LAMA3: variants seen among roughly 807,000 people sequenced by gnomAD.
LAMA3 encodes the protein laminin subunit alpha-3.
LAMA3 carries 281 observed loss-of-function variants against 402.0 expected under a neutral mutation model. The observed-to-expected ratio is 0.70, with a 90% CI of 0.63 to 0.77. The LOEUF is 0.77. Ranked by LOEUF, LAMA3 falls within the 30% of genes least tolerant of loss-of-function variation. The pLI, the probability that LAMA3 is intolerant of heterozygous loss-of-function variation, is 0.00. For missense variants in LAMA3, 3,840 were observed against 4,215.5 expected (o/e 0.91, Z 2.47); for synonymous variants, 1,431 against 1,558.4 (o/e 0.92, Z 1.93).
chr18:23,915,313 C>T lies in LAMA3; in HGVS notation c.7669C>T (p.Pro2557Ser). The T allele has an allele frequency of 3.1e-6, 5 of 1,613,724 alleles. No individual in the cohort carries two copies. Among genetic ancestry groups the T allele is most frequent in the Non-Finnish European group, 4.2e-6 (5 of 1,179,734 alleles). The change falls in exon 59 of 75, where the codon CCA becomes TCA. Residue 2557 changes from proline to serine, a missense_variant. Pro to Ser is a moderately conservative substitution (Grantham distance 74, BLOSUM62 -1). Transcript: ENST00000313654. The stretch of plus-strand genomic sequence containing the variant: ...GCTTCCCAGTCGACTAAGTTTCCCT[C>T]CATACAAAGGTTGTATTGAATTAGA... ...FKLPSRLSFP[P>S]YKGCIELDDL...
intron 40 of LAMA3, among the ~76,000 whole-genome samples, chr18:23,883,546 G>C (rs1159902454): frequency 1.3e-5 from 2 of 152,180 alleles, no homozygotes; most frequent in Non-Finnish European, 2.9e-5. Flanking sequence ...CATGGGCCAA[G>C]TCCTAACATC....
chr18:23,695,072 C>A (rs1248307361), intron 1 of LAMA3, among the ~76,000 whole-genome samples: 2 of 152,176 alleles, frequency 1.3e-5, no homozygotes, highest in Admixed American at 6.5e-5. Flanking sequence ...ACAGGTGTGG[C>A]CCTGCTGTGT....
chr18:23,730,773 C>G lies in LAMA3; in HGVS notation c.447+16701C>G, dbSNP rs565321560. Reference sequence around the variant, plus strand: ...TTTTCATTTCAGTGATACATTTTTTCTTACTTAGAATACGCTGTCCGGGCA... The same window carrying G: ...TTTTCATTTCAGTGATACATTTTTTGTTACTTAGAATACGCTGTCCGGGCA... On this transcript the variant is annotated intron_variant, in intron 2 of 74. Transcript: ENST00000313654. Among the ~76,000 whole-genome samples the G allele has an allele frequency of 4.6e-5, 7 of 152,100 alleles. No individual in the cohort carries two copies. In the East Asian group the frequency reaches 1.3e-3, roughly 29 times the overall value.
chr18:23,950,372 T>G (rs946065365), intron 72 of LAMA3, among the ~76,000 whole-genome samples: 1 of 152,238 alleles, frequency 6.6e-6, no homozygotes, highest in Non-Finnish European at 1.5e-5. Flanking sequence ...CTCAAACAAG[T>G]CGGGCTGAAT....
intron 39 of LAMA3, among the ~76,000 whole-genome samples, chr18:23,877,743 C>T (rs983985276): frequency 6.6e-6 from 1 of 152,138 alleles, no homozygotes; most frequent in African/African-American, 2.4e-5. Flanking sequence ...TTTTCCAGCT[C>T]GTTAGTATTC....
intron 2 of LAMA3, among the ~76,000 whole-genome samples, chr18:23,736,350 A>G (rs2061474649): frequency 6.6e-6 from 1 of 150,630 alleles, no homozygotes. Context: ...CTGGATATGC[A>G]TCTATTTCTT....
intron 68 of LAMA3, among the ~76,000 whole-genome samples, 186 bp from the exon 69 acceptor site, chr18:23,943,602 T>C (rs551502095): frequency 2.6e-5 from 4 of 152,350 alleles, no homozygotes; most frequent in Non-Finnish European, 5.9e-5. Context: ...ACAAAACCAT[T>C]AACAGCTGGA....
At chr18:23,848,111 A>G (rs1310939844) in intron 32 of LAMA3, among the ~76,000 whole-genome samples, 1 of 152,202 alleles carries the variant, frequency 6.6e-6, no homozygotes, top group Non-Finnish European at 1.5e-5. Context: ...GTTAAGGTCA[A>G]TGTGTGACAG....
chr18:23,824,446 A>G lies in LAMA3; in HGVS notation c.2452A>G (p.Ile818Val). 1 of 1,614,202 alleles carries G rather than the reference A, an allele frequency of 6.2e-7. No individual in the cohort carries two copies. Among genetic ancestry groups the G allele is most frequent in the Non-Finnish European group, 8.5e-7 (1 of 1,180,000 alleles). The change falls in exon 21 of 75, where the codon ATC (isoleucine) becomes GTC (valine). Residue 818 changes from isoleucine (I) to valine (V), a missense_variant. Ile to Val is a conservative substitution (Grantham distance 29, BLOSUM62 3). Coordinates refer to ENST00000313654, the MANE Select transcript of LAMA3 (RefSeq NM_198129.4). The stretch of plus-strand genomic sequence containing the variant: ...AGGTGCTGCTCAAAGCAAAGAGATC[A>G]TCTTCCTGCCGAGTAAGGAGCCAGC... The part of the protein sequence containing the change: ...SWGAAQSKEI[I>V]FLPSKEPAFV...
intron 12 of LAMA3, chr18:23,795,995 C>T: frequency 3.2e-6 from 1 of 311,332 alleles, no homozygotes; most frequent in South Asian, 2.8e-5. Flanking sequence ...AGCTCGTTCA[C>T]TCTCTCTCTC....
intron 33 of LAMA3, 46 bp downstream of exon 33, chr18:23,858,034 G>C (rs2064126397): frequency 1.2e-6 from 2 of 1,612,688 alleles, no homozygotes; most frequent in Non-Finnish European, 1.7e-6. Flanking sequence ...CGGTCAGCAG[G>C]AAAGTGCTTC....
At chr18:23,868,770 A>C (rs568367310) in intron 37 of LAMA3, among the ~76,000 whole-genome samples, 62 of 152,366 alleles carry the variant, frequency 4.1e-4, no homozygotes, top group Middle Eastern at 3.4e-3. Flanking sequence ...ACATCCAAAG[A>C]AATAAGAGTA....
chr18:23,776,053 T>C, intron 10 of LAMA3, 130 bp downstream of exon 10: 2 of 917,380 alleles, frequency 2.2e-6, no homozygotes, highest in Non-Finnish European at 3.6e-6. Context: ...GTTGTATTTA[T>C]GTAAAAGTGT....
intron 2 of LAMA3, among the ~76,000 whole-genome samples, chr18:23,735,376 G>A (rs2061456488): frequency 6.6e-6 from 1 of 152,204 alleles, no homozygotes; most frequent in Non-Finnish European, 1.5e-5. Flanking sequence ...GTCTCCACAG[G>A]AAGAAGTTGT....
In LAMA3 at chr18:23,954,551, G is replaced by A. The variant is rs755777350; in HGVS notation, c.9905G>A (p.Cys3302Tyr). The A allele has an allele frequency of 4.3e-6, 7 of 1,613,866 alleles. No individual in the cohort carries two copies. The East Asian group carries it at 1.6e-4, about 36-fold the overall frequency. The change falls in exon 75 of 75, where the codon TGT becomes TAT. Residue 3302 changes from cysteine (C) to tyrosine (Y), a missense_variant. Coordinates refer to ENST00000313654, the MANE Select transcript of LAMA3 (RefSeq NM_198129.4). ...CCTGTGTGGAAATCATTCTTTGGCT[G>A]TCTGAGGAATATTCATGTCAATCAC... ...RIPVWKSFFG[C>Y]LRNIHVNHIP...
chr18:23,711,590 G>C (rs1313981449), intron 1 of LAMA3, among the ~76,000 whole-genome samples: 1 of 152,204 alleles, frequency 6.6e-6, no homozygotes, highest in East Asian at 1.9e-4. Context: ...CTGTTAGAGA[G>C]TTACAGGGTA....
intron 62 of LAMA3, 61 bp downstream of exon 62, chr18:23,921,646 A>C: frequency 6.4e-7 from 1 of 1,567,294 alleles, no homozygotes; most frequent in Middle Eastern, 2.0e-4. Context: ...ATTGTGACCA[A>C]AAAAAATCTG....
chr18:23,903,966 G>A lies in LAMA3; in HGVS notation c.6352G>A (p.Ala2118Thr), dbSNP rs1465377575. The stretch of plus-strand genomic sequence containing the variant: ...AAAATTAGCTGCCAGTTTAAATGAA[G>A]CAAGACAAGAACTAAGTGACAAAGT... The part of the protein sequence containing the change: ...YEKLAASLNE[A>T]RQELSDKVRE... Residue 2118 changes from alanine (A) to threonine (T), a missense_variant, in exon 50 of 75, where the codon GCA (alanine) becomes ACA (threonine). This residue lies in a region of LAMA3 where 891 missense variants were observed against 857.5 expected (regional missense o/e 1.04). Transcript: ENST00000313654. The A allele has an allele frequency of 1.2e-5, 20 of 1,613,652 alleles. No individual in the cohort carries two copies. Among genetic ancestry groups the A allele is most frequent in the Non-Finnish European group, 1.6e-5 (19 of 1,179,678 alleles).
At position 23,753,583 on chromosome 18, in the gene LAMA3, G is replaced by A. The variant is rs1027959621; in HGVS notation, c.856-138G>A. On this transcript the variant is annotated intron_variant, in intron 5 of 74. Coordinates refer to ENST00000313654, the MANE Select transcript of LAMA3 (RefSeq NM_198129.4). ...GGAATGTGTTTATTTTATAAGACAT[G>A]TTACATCCCAATGTAGGGCTCAAGA... is the stretch of plus-strand genomic sequence containing the variant. The A allele has an allele frequency of 7.1e-6, 5 of 707,882 alleles. No homozygotes were observed. The African/African-American group carries it at 8.8e-5, about 12-fold the overall frequency. The allele number at this position is 707,882 out of a possible 1,614,324, so 43.9% of individuals were successfully genotyped here.
Sources: gnomAD v4.1 joint callset for allele counts (sites outside exome capture counted in the v4.1 genomes callset) on GRCh38, gnomAD v4.1.1 for gene constraint, gnomAD v4.1.1 regional missense constraint, MANE v1.5 for transcripts, NCBI Gene and HGNC (gene_info 2026-07-23, HGNC 2026-07-21) for gene names.